WARS1: variants seen among roughly 807,000 people sequenced by gnomAD.
WARS1 encodes the protein tryptophan--tRNA ligase, cytoplasmic.
A neutral mutation model predicts 47.8 loss-of-function variants in WARS1; 17 were observed. That is an observed-to-expected ratio of 0.36 (90% CI 0.24 to 0.53). The LOEUF (loss-of-function observed/expected upper bound fraction) is 0.53, where lower values mean the gene tolerates loss of function less well. Among genes scored for constraint, WARS1 ranks in the 20% least tolerant of loss-of-function variants. The pLI is 0.91. For synonymous variants in WARS1, 208 were observed against 228.1 expected (o/e 0.91, Z 0.79); for missense variants, 434 against 608.0 (o/e 0.71, Z 3.01).
rs968032875 is a variant in WARS1 at position 100,373,833 on chromosome 14, T to A, written c.-74+1450A>T. ...CCACACTATTGAAATCTTGTGTGTG[T>A]GTGTGTGTGTGTGTGTGTGTGTGTG... On this transcript the variant is annotated intron_variant, in intron 1 of 10. Coordinates refer to ENST00000392882, the MANE Select transcript of WARS1 (RefSeq NM_004184.4). The surrounding 1 kb of genome is among the most constrained non-coding windows in gnomAD (Gnocchi z 4.4). The A allele has an allele frequency of 3.6e-5, 3 of 82,696 alleles. No homozygotes were observed. Among genetic ancestry groups the A allele is most frequent in the African/African-American group, 1.8e-4 (3 of 17,076 alleles). The allele number at this position is 82,696 out of a possible 1,614,324, so 5.1% of individuals were successfully genotyped here.
intron 2 of WARS1, chr14:100,366,820 T>G (rs1024039887): frequency 9.4e-6 from 14 of 1,491,866 alleles, no homozygotes; most frequent in Admixed American, 3.3e-5. Flanking sequence ...CCTTTTTTGA[T>G]GTATTGTTTA....
intron 2 of WARS1, among the ~76,000 whole-genome samples, chr14:100,363,471 G>A (rs772140377): frequency 6.6e-5 from 10 of 152,082 alleles, no homozygotes; most frequent in South Asian, 4.1e-4. Flanking sequence ...CAAGGCGGGC[G>A]GATCGCCTGA....
intron 2 of WARS1, among the ~76,000 whole-genome samples, chr14:100,362,359 G>A (rs1047721642): frequency 6.6e-6 from 1 of 152,160 alleles, no homozygotes; most frequent in Non-Finnish European, 1.5e-5. Context: ...ATACCACACA[G>A]GTTGAGATGA....
chr14:100,344,282 G>A (rs1178943996), intron 7 of WARS1, among the ~76,000 whole-genome samples: 5 of 152,142 alleles, frequency 3.3e-5, no homozygotes, highest in Admixed American at 2.0e-4. Flanking sequence ...ACGGGGTTTC[G>A]CTGTGTTGGC....
rs948170768 is a variant in WARS1 at position 100,373,805 on chromosome 14, C to T, written c.-74+1478G>A. ...CAAGGCATATACTTTGCGTGGGAAT[C>T]ATCCACACTATTGAAATCTTGTGTG... On this transcript the variant is annotated intron_variant, in intron 1 of 10. Coordinates refer to ENST00000392882, the MANE Select transcript of WARS1 (RefSeq NM_004184.4). The surrounding 1 kb of genome is among the most constrained non-coding windows in gnomAD (Gnocchi z 4.4). 2.0e-5 allele frequency among the ~76,000 whole-genome samples: 3 copies of T among 148,980 alleles called. No homozygotes were observed. Among genetic ancestry groups the T allele is most frequent in the African/African-American group, 7.5e-5 (3 of 40,136 alleles).
At chr14:100,356,970 G>C (rs535119229) in intron 4 of WARS1, among the ~76,000 whole-genome samples, 1 of 152,232 alleles carries the variant, frequency 6.6e-6, no homozygotes, top group East Asian at 1.9e-4. Flanking sequence ...ATGATTAAGT[G>C]GAATTTGTTC....
intron 2 of WARS1, chr14:100,366,789 G>C: frequency 1.6e-6 from 2 of 1,228,866 alleles, no homozygotes; most frequent in Non-Finnish European, 1.2e-6. Flanking sequence ...AGATACATGG[G>C]TGGCTTTGCA....
chr14:100,368,752 G>A (rs2140083127), intron 2 of WARS1, among the ~76,000 whole-genome samples: 1 of 151,984 alleles, frequency 6.6e-6, no homozygotes, highest in South Asian at 2.1e-4. Flanking sequence ...CCTGAGGTCA[G>A]GGGTTTGAGA....
chr14:100,365,809 G>A (rs1895950744), intron 2 of WARS1: 1 of 236,362 alleles, frequency 4.2e-6, no homozygotes. Flanking sequence ...GGTTTCAGAA[G>A]CCAGAAAGCT....
intron 2 of WARS1, chr14:100,365,470 CT>C: frequency 3.9e-6 from 1 of 256,662 alleles, no homozygotes; most frequent in Non-Finnish European, 8.0e-6. Flanking sequence ...GTCCCAGCTA[CT>C]TACGAGGCCA....
At chr14:100,345,047 T>G (rs1367024270) in intron 7 of WARS1, among the ~76,000 whole-genome samples, 12 of 108,630 alleles carry the variant, frequency 1.1e-4, no homozygotes, top group East Asian at 6.4e-4. Context: ...GGGAGGGAGG[T>G]GGCGGGGTCA....
intron 6 of WARS1, among the ~76,000 whole-genome samples, chr14:100,350,653 C>T (rs908582321): frequency 3.9e-5 from 6 of 152,186 alleles, no homozygotes; most frequent in Non-Finnish European, 8.8e-5. Flanking sequence ...TCACCACCAG[C>T]ATTTATATCC....
chr14:100,365,730 T>G (rs1423309255), intron 2 of WARS1, among the ~76,000 whole-genome samples: 1 of 7,144 alleles, frequency 1.4e-4, no homozygotes, highest in African/African-American at 3.8e-4. Flanking sequence ...GAGATCTTCT[T>G]TTTTTTTTTT....
At position 100,342,809 on chromosome 14, in the gene WARS1, T is replaced by C. The variant is rs1018812138; in HGVS notation, c.940-238A>G. Among the ~76,000 whole-genome samples the C allele has an allele frequency of 3.7e-4, 56 of 152,138 alleles. 3 individuals carry two copies. Among genetic ancestry groups the C allele is most frequent in the Non-Finnish European group, 7.4e-5 (5 of 68,004 alleles). On this transcript the variant is annotated intron_variant, in intron 8 of 10. Transcript: ENST00000392882. The stretch of plus-strand genomic sequence containing the variant: ...GTATACATGTGCCATGGTGGTTTGC[T>C]GCACCCATCAACCCGTCATCTAGGT...
intron 10 of WARS1, among the ~76,000 whole-genome samples, chr14:100,336,200 C>T (rs1038780311): frequency 2.7e-4 from 39 of 146,476 alleles, no homozygotes; most frequent in Non-Finnish European, 3.9e-4. Context: ...GGTGTGAACC[C>T]GGGAGGCAGA....
intron 2 of WARS1, among the ~76,000 whole-genome samples, chr14:100,367,571 G>C (rs1387855933): frequency 8.5e-6 from 1 of 117,278 alleles, no homozygotes; most frequent in African/African-American, 3.3e-5. Flanking sequence ...CTGGGTGAAA[G>C]AGTGAGATTC....
At chr14:100,342,669 T>C (rs1299740981) in intron 8 of WARS1, 98 bp from the exon 9 acceptor site, 3 of 1,186,500 alleles carry the variant, frequency 2.5e-6, no homozygotes, top group African/African-American at 3.1e-5. Context: ...AAGGCTCTCA[T>C]GCTTCCAACC....
intron 1 of WARS1, among the ~76,000 whole-genome samples, chr14:100,369,589 C>T (rs1896217051): frequency 6.6e-6 from 1 of 152,050 alleles, no homozygotes; most frequent in African/African-American, 2.4e-5. Flanking sequence ...GCCCAGAACA[C>T]AGGAGGACTC....
At chr14:100,357,181 A>G (rs1386839440) in intron 4 of WARS1, among the ~76,000 whole-genome samples, 1 of 152,232 alleles carries the variant, frequency 6.6e-6, no homozygotes, top group East Asian at 1.9e-4. Context: ...AATGGTGTAT[A>G]TTCAGTCTTT....
Sources: allele counts gnomAD v4.1 joint callset (sites outside exome capture counted in the v4.1 genomes callset), GRCh38; gene constraint gnomAD v4.1.1; non-coding constraint Gnocchi (gnomAD v3.1); transcripts MANE v1.5; gene names NCBI Gene and HGNC (gene_info 2026-07-23, HGNC 2026-07-21).